Variants in AGBL1 observed in about 807,000 individuals in gnomAD.
The protein encoded by AGBL1 is AGBL carboxypeptidase 1.
In AGBL1, 130 loss-of-function variants were observed where a neutral mutation model predicts 118.9. That is an observed-to-expected ratio of 1.09 (90% CI 0.95 to 1.26). The LOEUF is 1.26. AGBL1 is among the 50% of genes most tolerant of loss of function. The pLI, the probability that AGBL1 is intolerant of heterozygous loss-of-function variation, is 0.00. For missense variants in AGBL1, 1,584 were observed against 1,298.1 expected, an observed-to-expected ratio of 1.22 and a Z score of -3.38; for synonymous variants, 555 against 478.9, an observed-to-expected ratio of 1.16 and a Z score of -2.08.
intron 22 of AGBL1, among the ~76,000 whole-genome samples, chr15:86,706,996 T>C (rs990233910): frequency 1.3e-5 from 2 of 152,090 alleles, no homozygotes; most frequent in African/African-American, 2.4e-5. Context: ...AGAGATGGAC[T>C]TTGCATTTAC....
At chr15:86,904,316 C>G (rs1345508490) in intron 22 of AGBL1, among the ~76,000 whole-genome samples, 1 of 151,906 alleles carries the variant, frequency 6.6e-6, no homozygotes. Flanking sequence ...CTCCCTACTC[C>G]ATCCACGTTT....
chr15:87,023,388 G>T (rs2081689588), intron 24 of AGBL1, among the ~76,000 whole-genome samples: 1 of 151,920 alleles, frequency 6.6e-6, no homozygotes, highest in Admixed American at 6.6e-5. Flanking sequence ...GACAAAGAAG[G>T]ACATTATATA....
chr15:86,666,570 G>A lies in AGBL1; in HGVS notation c.2995-7703G>A, dbSNP rs534963973. 3.9e-5 allele frequency among the ~76,000 whole-genome samples: 6 copies of A among 152,218 alleles called. No homozygotes were observed. The East Asian group carries it at 1.2e-3, about 29-fold the overall frequency. ...TTGCCAAATAATAGGAAATAACAGTGGTGAAAGCAGGCCATAATTTTGGTG... is the reference window on the plus strand; with the variant it reads ...TTGCCAAATAATAGGAAATAACAGTAGTGAAAGCAGGCCATAATTTTGGTG... On this transcript the variant is annotated intron_variant, in intron 21 of 22. Transcript: ENST00000614907.
chr15:86,720,030 C>G (rs185146615), intron 22 of AGBL1, among the ~76,000 whole-genome samples: 80 of 152,244 alleles, frequency 5.3e-4, no homozygotes, highest in African/African-American at 1.8e-3. Context: ...ATTTCCCAGA[C>G]CTTTGCTTAT....
chr15:86,146,027 C>T lies in AGBL1; in HGVS notation c.262+2182C>T, dbSNP rs190036730. Among the ~76,000 whole-genome samples the T allele has an allele frequency of 3.7e-4, 56 of 152,242 alleles. No individual in the cohort carries two copies. The East Asian group carries it at 8.9e-3, about 24-fold the overall frequency. ...GACCACAGAGACTTGATATATACCT[C>T]GGTCATAAACGGTATAAGCTGGAGA... is the stretch of plus-strand genomic sequence containing the variant. On this transcript the variant is annotated intron_variant, in intron 3 of 22. Coordinates refer to ENST00000614907, the MANE Select transcript of AGBL1 (RefSeq NM_001386094.1).
chr15:86,760,360 G>A (rs1034638361), intron 22 of AGBL1, among the ~76,000 whole-genome samples: 3 of 151,994 alleles, frequency 2.0e-5, no homozygotes. Context: ...TCACTTGTAG[G>A]AAATCATTAG....
intron 3 of AGBL1, among the ~76,000 whole-genome samples, chr15:86,147,032 C>A (rs1347422244): frequency 6.6e-6 from 1 of 152,050 alleles, no homozygotes; most frequent in Admixed American, 6.6e-5. Flanking sequence ...ATAAGTATTT[C>A]TTTTTTAATG....
intron 22 of AGBL1, among the ~76,000 whole-genome samples, chr15:86,875,193 T>C (rs923505093): frequency 6.6e-6 from 1 of 152,102 alleles, no homozygotes; most frequent in Admixed American, 6.6e-5. Context: ...AATAAAAGGG[T>C]GAAATCCATC....
Position 86,523,032 on chromosome 15 carries a change from G to C in AGBL1, c.2685+93G>C, listed in dbSNP as rs561301190. On this transcript the variant is annotated intron_variant, in intron 19 of 22. Transcript: ENST00000614907. ...TTCTGCCAAGGCAAGAATAGACAAT[G>C]ACCAAAAACCTATGTATGACAAGAT... 28 of 1,448,550 alleles carry C rather than the reference G, an allele frequency of 1.9e-5. No homozygotes were observed. In the Admixed American group the frequency reaches 4.0e-4, roughly 21 times the overall value. The allele number at this position is 1,448,550 out of a possible 1,614,324, so 89.7% of individuals were successfully genotyped here.
intron 18 of AGBL1, among the ~76,000 whole-genome samples, chr15:86,434,715 C>A (rs1049453449): frequency 3.3e-5 from 5 of 152,176 alleles, no homozygotes; most frequent in Non-Finnish European, 7.3e-5. Flanking sequence ...AAATATCTGA[C>A]ACCAGAGGAT....
rs533180524 is a variant in AGBL1 at position 86,403,997 on chromosome 15, T to C, written c.2555+6451T>C. Among the ~76,000 whole-genome samples, 7 of 152,230 alleles carry C rather than the reference T, an allele frequency of 4.6e-5. No homozygotes were observed. The South Asian group carries it at 1.5e-3, about 32-fold the overall frequency. On this transcript the variant is annotated intron_variant, in intron 18 of 22. Coordinates refer to ENST00000614907, the MANE Select transcript of AGBL1 (RefSeq NM_001386094.1). Reference sequence around the variant, plus strand: ...GATATTGAAAACACACACACACACATCCATGCCCAAGGTTATATGACTAGC... The same window carrying C: ...GATATTGAAAACACACACACACACACCCATGCCCAAGGTTATATGACTAGC...
chr15:86,548,417 T>C (rs1187189859), intron 20 of AGBL1, among the ~76,000 whole-genome samples: 1 of 152,166 alleles, frequency 6.6e-6, no homozygotes, highest in Admixed American at 6.5e-5. Flanking sequence ...CAGTGAATCC[T>C]CTCTGCAAAA....
intron 18 of AGBL1, among the ~76,000 whole-genome samples, chr15:86,397,823 A>G (rs944986132): frequency 6.6e-6 from 1 of 152,136 alleles, no homozygotes; most frequent in African/African-American, 2.4e-5. Flanking sequence ...CCACCTCTAC[A>G]AAACAAATTA....
At chr15:87,003,596 C>A (rs947914301) in intron 24 of AGBL1, among the ~76,000 whole-genome samples, 4 of 152,084 alleles carry the variant, frequency 2.6e-5, no homozygotes, top group Non-Finnish European at 5.9e-5. Context: ...AGCTGTGAAT[C>A]CATCTGGTCC....
In AGBL1 at chr15:86,923,376, T is replaced by G. The variant is rs192458350; in HGVS notation, c.3222-64611T>G. Among the ~76,000 whole-genome samples the G allele has an allele frequency of 3.3e-5, 5 of 152,266 alleles. No individual in the cohort carries two copies. In the East Asian group the frequency reaches 9.7e-4, roughly 30 times the overall value. ...AATACACAGGGCCCAGGACCAGCTTTTCAGGCAGAGTGGCCTATTCCCCAT... is the reference window on the plus strand; with the variant it reads ...AATACACAGGGCCCAGGACCAGCTTGTCAGGCAGAGTGGCCTATTCCCCAT... On this transcript the variant is annotated intron_variant, in intron 23 of 24. Transcript: ENST00000441037.
intron 18 of AGBL1, among the ~76,000 whole-genome samples, chr15:86,463,156 T>C (rs1334356109): frequency 6.6e-6 from 1 of 152,188 alleles, no homozygotes; most frequent in African/African-American, 2.4e-5. Flanking sequence ...TGGTATCTCA[T>C]TGTGGTTTTG....
At chr15:86,798,561 G>C (rs1372709361) in intron 22 of AGBL1, among the ~76,000 whole-genome samples, 1 of 151,802 alleles carries the variant, frequency 6.6e-6, no homozygotes, top group African/African-American at 2.4e-5. Flanking sequence ...TAATAGCAAT[G>C]AACTAGACAC....
At chr15:86,742,776 C>A (rs1413210983) in intron 22 of AGBL1, among the ~76,000 whole-genome samples, 3 of 152,124 alleles carry the variant, frequency 2.0e-5, no homozygotes, top group African/African-American at 7.2e-5. Flanking sequence ...ATACAAGTCT[C>A]CTTATGCAGA....
chr15:86,904,114 C>G (rs2080248607), intron 22 of AGBL1, among the ~76,000 whole-genome samples: 1 of 152,142 alleles, frequency 6.6e-6, no homozygotes, highest in South Asian at 2.1e-4. Context: ...ATAAGCTGCC[C>G]CCTTCCTCAT....
Sources: allele counts gnomAD v4.1 joint callset (sites outside exome capture counted in the v4.1 genomes callset), GRCh38; gene constraint gnomAD v4.1.1; transcripts MANE v1.5; gene names NCBI Gene and HGNC (gene_info 2026-07-23, HGNC 2026-07-21).